FBXO38: variants seen among roughly 807,000 people sequenced by gnomAD.
FBXO38 encodes the protein F-box protein 38, also known as F-box only protein 38.
FBXO38 carries 53 observed loss-of-function variants against 131.9 expected under a neutral mutation model. The observed-to-expected ratio is 0.40, with a 90% confidence interval of 0.32 to 0.51. The LOEUF is 0.51. Among genes scored for constraint, FBXO38 ranks in the 20% least tolerant of loss-of-function variants. The pLI is 0.53. For synonymous variants in FBXO38, 452 were observed against 505.6 expected, an observed-to-expected ratio of 0.89 and a Z score of 1.42; for missense variants, 1,076 against 1,475.6, an observed-to-expected ratio of 0.73 and a Z score of 4.44.
At chr5:148,407,376 G>A (rs2113551567) in intron 7 of FBXO38, among the ~76,000 whole-genome samples, 1 of 152,192 alleles carries the variant, frequency 6.6e-6, no homozygotes, top group South Asian at 2.1e-4. Flanking sequence ...GGGTGACCCT[G>A]CCTTGTATTT....
intron 10 of FBXO38, 71 bp downstream of exon 10, chr5:148,414,377 G>A: frequency 7.8e-7 from 1 of 1,278,300 alleles, no homozygotes; most frequent in Non-Finnish European, 1.1e-6. Flanking sequence ...TGTTTTCTAT[G>A]TGTGATATGA....
intron 6 of FBXO38, 76 bp from the exon 7 acceptor site, chr5:148,406,181 A>T: frequency 7.4e-7 from 1 of 1,355,204 alleles, no homozygotes. Flanking sequence ...TATAAGTTAT[A>T]CATGTCTTTC....
intron 12 of FBXO38, among the ~76,000 whole-genome samples, chr5:148,421,635 A>C (rs1753441459): frequency 6.6e-6 from 1 of 152,148 alleles, no homozygotes; most frequent in African/African-American, 2.4e-5. Context: ...ATATGTATAC[A>C]TATACATATA....
chr5:148,408,599 A>G (rs1752568783), intron 7 of FBXO38, among the ~76,000 whole-genome samples: 1 of 152,248 alleles, frequency 6.6e-6, no homozygotes, highest in African/African-American at 2.4e-5. Context: ...TGTTTAGTAA[A>G]AGAAGCCAGA....
At chr5:148,404,619 T>A (rs72832030) in intron 5 of FBXO38, 66 bp from the exon 6 acceptor site, 3 of 1,387,948 alleles carry the variant, frequency 2.2e-6, no homozygotes, top group African/African-American at 1.5e-5. Flanking sequence ...CTTGAACTTA[T>A]AAGCAAAATA....
intron 1 of FBXO38, among the ~76,000 whole-genome samples, chr5:148,384,469 G>C (rs143434356): frequency 1.3e-5 from 2 of 152,272 alleles, no homozygotes; most frequent in Non-Finnish European, 2.9e-5. Flanking sequence ...CCCTGAGCAG[G>C]AAGCAGTGAA....
intron 21 of FBXO38, 124 bp from the exon 22 acceptor site, chr5:148,441,845 C>T: frequency 1.5e-6 from 1 of 668,670 alleles, no homozygotes; most frequent in Non-Finnish European, 2.4e-6. Context: ...ATTCCTTGAC[C>T]TATTCATGCA....
chr5:148,409,906 A>G (rs911095374), intron 8 of FBXO38, among the ~76,000 whole-genome samples: 1 of 152,234 alleles, frequency 6.6e-6, no homozygotes, highest in Non-Finnish European at 1.5e-5. Flanking sequence ...CAACATTAAT[A>G]GCTAGCCTAA....
At chr5:148,435,509 C>T (rs1051643564) in intron 17 of FBXO38, among the ~76,000 whole-genome samples, 7 of 152,146 alleles carry the variant, frequency 4.6e-5, no homozygotes, top group Admixed American at 6.5e-5. Context: ...CAGTGCTTTA[C>T]GCCTGTAATC....
chr5:148,427,150 TG>T, intron 14 of FBXO38, 62 bp from the exon 15 acceptor site: 2 of 1,518,314 alleles, frequency 1.3e-6, no homozygotes, highest in Non-Finnish European at 1.8e-6. Context: ...TCTTGCGTTT[TG>T]TCCAGAATTT....
At position 148,428,027 on chromosome 5, in the gene FBXO38, A is replaced by G; in HGVS notation, c.2653+80A>G. The stretch of plus-strand genomic sequence containing the variant: ...GAACTTGTTTCATGAGTTTTCTTAC[A>G]AAAAGCCAGTTTGGCAAATTAAATT... On this transcript the variant is annotated intron_variant, in intron 15 of 21. Coordinates refer to ENST00000340253, the MANE Select transcript of FBXO38 (RefSeq NM_205836.3). The G allele has an allele frequency of 2.9e-6, 4 of 1,384,530 alleles. No individual in the cohort carries two copies. In the East Asian group the frequency reaches 9.8e-5, roughly 34 times the overall value. 85.8% of individuals were successfully genotyped at this position (1,384,530 alleles called of 1,614,324 possible).
Position 148,438,351 on chromosome 5 carries a change from A to G in FBXO38, c.2877A>G (p.Leu959=), listed in dbSNP as rs751458339. The change falls in exon 18 of 22, where the codon CTA becomes CTG. Residue 959 remains leucine (L), a synonymous_variant. Transcript: ENST00000340253. The part of the protein sequence containing the change: ...MFIHATRCRV[L]KHLKVENAPI... ...TTGTAGCTACCAGGTGCAGGGTACT[A>G]AAACATTTAAAGGTAGAAAATGCAC... 12 of 1,613,838 alleles carry G rather than the reference A, an allele frequency of 7.4e-6. No individual in the cohort carries two copies. Among genetic ancestry groups the G allele is most frequent in the South Asian group, 1.1e-5 (1 of 91,082 alleles).
In FBXO38 at chr5:148,417,325, C is replaced by T. The variant is rs545985815; in HGVS notation, c.1618+121C>T. 22 of 750,294 alleles carry T rather than the reference C, an allele frequency of 2.9e-5. No individual in the cohort carries two copies. In the South Asian group the frequency reaches 3.4e-4, roughly 11 times the overall value. The allele number at this position is 750,294 out of a possible 1,614,324, so 46.5% of individuals were successfully genotyped here. A position where few individuals can be genotyped will look rare whatever the true frequency, so the allele number is the denominator to read the frequency against. On this transcript the variant is annotated intron_variant, in intron 12 of 21. Transcript: ENST00000340253. ...TTGTCACTTTCCACATTGAGGAAAG[C>T]TAGTTGATAAGGAACATGAGGGAGT...
chr5:148,394,897 A>C lies in FBXO38; in HGVS notation c.121A>C (p.Ile41Leu). 6.3e-7 allele frequency: 1 copy of C among 1,585,766 alleles called. No homozygotes were observed. Among genetic ancestry groups the C allele is most frequent in the Non-Finnish European group, 8.6e-7 (1 of 1,166,726 alleles). Residue 41 changes from isoleucine to leucine, a missense_variant, in exon 2 of 22, where the codon ATT becomes CTT. Ile to Leu is a conservative substitution (Grantham distance 5). Around this residue, in one of 8 missense-constraint regions of FBXO38, gnomAD observed 58 missense variants for 53.1 expected, o/e 1.09. Coordinates refer to ENST00000340253, the MANE Select transcript of FBXO38 (RefSeq NM_205836.3). ...NQLSHEVLCH[I>L]FRYLPLQDIM... ...ACTTTCACATGAAGTACTTTGCCAT[A>C]TTTTTAGGTAAGATTGTGTTTGGTT...
At chr5:148,410,562 C>T (rs1403645576) in intron 8 of FBXO38, 73 bp from the exon 9 acceptor site, 6 of 1,521,400 alleles carry the variant, frequency 3.9e-6, no homozygotes, top group Non-Finnish European at 5.4e-6. Flanking sequence ...GACTAATACA[C>T]TTATATTAGG....
At chr5:148,410,817 A>G in intron 9 of FBXO38, 52 bp downstream of exon 9, 1 of 1,531,908 alleles carries the variant, frequency 6.5e-7, no homozygotes, top group Non-Finnish European at 8.9e-7. Context: ...AATTTACTTG[A>G]CAAACTGAAA....
intron 1 of FBXO38, chr5:148,390,163 C>G (rs1392804066): frequency 6.6e-6 from 1 of 152,088 alleles, no homozygotes; most frequent in African/African-American, 2.4e-5. Context: ...CAGCATAGCC[C>G]AGCTGGGTAT....
chr5:148,417,364 CTCTTT>C (rs1396656375), intron 12 of FBXO38, 160 bp downstream of exon 12: 4 of 633,398 alleles, frequency 6.3e-6, no homozygotes, highest in Non-Finnish European at 1.1e-5. Flanking sequence ...TGAAATTTTT[CTCTTT>C]TCTTGCTTGT....
In FBXO38 at chr5:148,427,587, G is replaced by A. The variant is rs1236016528; in HGVS notation, c.2293G>A (p.Glu765Lys). Residue 765 changes from glutamate (E) to lysine (K), a missense_variant, in exon 15 of 22, where the codon GAG becomes AAG. By Grantham distance (56) the Glu-to-Lys change is moderately conservative. This residue lies in a region of FBXO38 where 213 missense variants were observed against 225.2 expected (regional missense o/e 0.95). Transcript: ENST00000340253. ...GTCAGAGGACTCTGAGGCCATGGAG[G>A]AGGGAGATGCAGAGAGTTCTGTCTG... ...GGSEDSEAMEEGDAESSVCPR... is the reference protein window; with the variant it reads ...GGSEDSEAMEKGDAESSVCPR... 6.2e-7 allele frequency: 1 copy of A among 1,614,112 alleles called. No homozygotes were observed. Among genetic ancestry groups the A allele is most frequent in the Non-Finnish European group, 8.5e-7 (1 of 1,180,054 alleles).
Sources: gnomAD v4.1 joint callset for allele counts (sites outside exome capture counted in the v4.1 genomes callset) on GRCh38, gnomAD v4.1.1 for gene constraint, gnomAD v4.1.1 regional missense constraint, MANE v1.5 for transcripts, NCBI Gene and HGNC (gene_info 2026-07-23, HGNC 2026-07-21) for gene names.